Variants in ABCA10 observed in about 807,000 individuals in gnomAD.
ABCA10 encodes the protein ATP binding cassette subfamily A member 10.
Under a neutral mutation model 187.5 loss-of-function variants are expected in ABCA10, and 169 were observed. The observed-to-expected ratio is 0.90, with a 90% CI of 0.80 to 1.02. ABCA10 has a LOEUF of 1.02. ABCA10 is among the 50% of genes least tolerant of loss of function. ABCA10 has a pLI of 0.00. For missense variants in ABCA10, 1,727 were observed against 1,812.4 expected, an observed-to-expected ratio of 0.95 and a Z score of 0.86; for synonymous variants, 574 against 601.8, an observed-to-expected ratio of 0.95 and a Z score of 0.68.
intron 9 of ABCA10, among the ~76,000 whole-genome samples, chr17:69,213,137 T>G (rs192844771): frequency 3.9e-5 from 6 of 152,272 alleles, no homozygotes; most frequent in Admixed American, 3.9e-4. Context: ...TATGACTTTG[T>G]GTAATGGCTT....
intron 20 of ABCA10, among the ~76,000 whole-genome samples, chr17:69,184,355 C>T (rs372540371): frequency 2.4e-4 from 37 of 152,178 alleles, no homozygotes; most frequent in African/African-American, 8.7e-4. Context: ...GGCAAGCTTG[C>T]ATCCTCCCTA....
chr17:69,202,999 G>C (rs1417958065), intron 9 of ABCA10, among the ~76,000 whole-genome samples: 1 of 152,112 alleles, frequency 6.6e-6, no homozygotes, highest in Non-Finnish European at 1.5e-5. Flanking sequence ...TAATGTAGGG[G>C]GATGGAGCTG....
Position 69,164,055 on chromosome 17 carries a change from G to T in ABCA10, c.3363+19C>A. On this transcript the variant is annotated intron_variant, in intron 27 of 38. Coordinates refer to ENST00000690296, the MANE Select transcript of ABCA10 (RefSeq NM_001377321.1). ...GAATCTTATGCAATATATATATTTA[G>T]GTAGAAAATGTTCCTTACTATTAAG... 1 of 1,508,426 alleles carries T rather than the reference G, an allele frequency of 6.6e-7. No individual in the cohort carries two copies. Among genetic ancestry groups the T allele is most frequent in the Non-Finnish European group, 8.9e-7 (1 of 1,128,204 alleles). 93.4% of individuals were successfully genotyped at this position (1,508,426 alleles called of 1,614,324 possible).
intron 34 of ABCA10, among the ~76,000 whole-genome samples, chr17:69,152,904 A>G (rs1380689299): frequency 2.0e-5 from 3 of 152,182 alleles, no homozygotes; most frequent in African/African-American, 7.2e-5. Flanking sequence ...TGATAGTACC[A>G]TATTAATAGG....
In ABCA10 at chr17:69,170,437, CAAAAAAAAA is replaced by C. The variant is rs71144658; in HGVS notation, c.3162+3835_3162+3843del. Among the ~76,000 whole-genome samples the C allele has an allele frequency of 5.0e-3, 550 of 109,706 alleles. 4 individuals are homozygous for C. Among genetic ancestry groups the C allele is most frequent in the African/African-American group, 0.018 (530 of 29,262 alleles). 72.0% of individuals were successfully genotyped at this position (109,706 alleles called of 152,430 possible). ...ACCACATCTATATTGTTTTACTCATCAAAAAAAAAAAAAAAAAAAAGAAGTCTTCCATTA... is the reference window on the plus strand; with the variant it reads ...ACCACATCTATATTGTTTTACTCATCAAAAAAAAAAAGAAGTCTTCCATTA... On this transcript the variant is annotated intron_variant, in intron 25 of 38. Transcript: ENST00000690296.
rs4968851 is a variant in ABCA10 at position 69,182,813 on chromosome 17, C to T, written c.2498-5G>A. 0.71 allele frequency: 1,124,162 copies of T among 1,573,542 alleles called. 403,143 individuals are homozygous for T. Among genetic ancestry groups the T allele is most frequent in the Admixed American group, 0.77 (41,577 of 54,224 alleles). On this transcript the variant is annotated splice_region_variant and splice_polypyrimidine_tract_variant and intron_variant, in intron 20 of 38. Coordinates refer to ENST00000690296, the MANE Select transcript of ABCA10 (RefSeq NM_001377321.1). ...CGAGGTCTTCAATATTTGATCCTAACATAGTGGAAGGAAGGCAACAAGAAA... is the reference window on the plus strand; with the variant it reads ...CGAGGTCTTCAATATTTGATCCTAATATAGTGGAAGGAAGGCAACAAGAAA...
intron 25 of ABCA10, among the ~76,000 whole-genome samples, chr17:69,171,576 C>T (rs1321976687): frequency 6.6e-6 from 1 of 152,050 alleles, no homozygotes; most frequent in East Asian, 1.9e-4. Flanking sequence ...TGAGAATTTT[C>T]CTAAACTGAA....
Position 69,191,209 on chromosome 17 carries a change from T to C in ABCA10, c.1978A>G (p.Ser660Gly). 2 of 1,599,346 alleles carry C rather than the reference T, an allele frequency of 1.3e-6. No individual in the cohort carries two copies. The highest frequency in any genetic ancestry group is 1.7e-6 in the Non-Finnish European group (2 of 1,172,026). ...TTESEEKLVY[S>G]LPLEKTNKFP... Reference sequence around the variant, plus strand: ...TTGTTCGTTTTTTCCAAAGGCAAACTATATACAAGTTTTTCTTCACTTTCT... The same window carrying C: ...TTGTTCGTTTTTTCCAAAGGCAAACCATATACAAGTTTTTCTTCACTTTCT... Residue 660 changes from serine to glycine, a missense_variant, in exon 17 of 39, where the codon AGT (serine) becomes GGT (glycine). Ser to Gly is a moderately conservative substitution (Grantham distance 56). Transcript: ENST00000690296.
chr17:69,173,029 C>A (rs368264177), intron 25 of ABCA10, among the ~76,000 whole-genome samples: 1 of 152,040 alleles, frequency 6.6e-6, no homozygotes, highest in East Asian at 1.9e-4. Context: ...TATAATCATT[C>A]CAGACTTCAA....
intron 19 of ABCA10, among the ~76,000 whole-genome samples, chr17:69,187,018 T>C (rs2074426411): frequency 6.6e-6 from 1 of 151,974 alleles, no homozygotes; most frequent in Admixed American, 6.6e-5. Context: ...TTCACTACAG[T>C]AGTAAAACTG....
At chr17:69,239,798 G>A (rs964810623) in intron 1 of ABCA10, among the ~76,000 whole-genome samples, 2 of 152,146 alleles carry the variant, frequency 1.3e-5, no homozygotes, top group African/African-American at 4.8e-5. Context: ...GCCACCTCTA[G>A]CTGTATAGTG....
At position 69,196,896 on chromosome 17, in the gene ABCA10, C is replaced by CCAGGCACTCGG. The variant is rs757961328; in HGVS notation, c.1234+157_1234+167dup. On this transcript the variant is annotated intron_variant, in intron 11 of 38. Transcript: ENST00000690296. ...GGCGTGGCAGCACGCGCCTGCAATC[C>CCAGGCACTCGG]CAGGCACTCGGCAGGCACTCGGCAG... Among the ~76,000 whole-genome samples, 6 of 152,012 alleles carry CCAGGCACTCGG rather than the reference C, an allele frequency of 3.9e-5. No individual in the cohort carries two copies. The East Asian group carries it at 5.8e-4, about 15-fold the overall frequency.
Position 69,166,339 on chromosome 17 carries a change from C to CAA in ABCA10, c.3163-1258_3163-1257dup, listed in dbSNP as rs35351175. On this transcript the variant is annotated intron_variant, in intron 25 of 38. Coordinates refer to ENST00000690296, the MANE Select transcript of ABCA10 (RefSeq NM_001377321.1). Reference sequence around the variant, plus strand: ...GAAGCAGAGAAAAGTCATGAGATTACAAAAAAAAAAAAGGTTGAATTGCTT... The same window carrying CAA: ...GAAGCAGAGAAAAGTCATGAGATTACAAAAAAAAAAAAAAGGTTGAATTGCTT... Among the ~76,000 whole-genome samples, 619 of 144,732 alleles carry CAA rather than the reference C, an allele frequency of 4.3e-3. 3 individuals carry two copies. The highest frequency in any genetic ancestry group is 6.4e-3 in the African/African-American group (250 of 38,804). The allele number at this position is 144,732 out of a possible 152,430, so 94.9% of individuals were successfully genotyped here.
At chr17:69,241,866 TA>T (rs2074904969) in intron 1 of ABCA10, among the ~76,000 whole-genome samples, 1 of 152,312 alleles carries the variant, frequency 6.6e-6, no homozygotes, top group South Asian at 2.1e-4. Flanking sequence ...TGACATACAA[TA>T]AAATATTTGT....
At chr17:69,220,660 A>C (rs2074741221) in intron 5 of ABCA10, among the ~76,000 whole-genome samples, 1 of 152,198 alleles carries the variant, frequency 6.6e-6, no homozygotes, top group South Asian at 2.1e-4. Flanking sequence ...CTAAGTTTGA[A>C]TTGCTTGAGA....
At chr17:69,182,583 C>A in intron 21 of ABCA10, 92 bp downstream of exon 21, 1 of 1,359,350 alleles carries the variant, frequency 7.4e-7, no homozygotes, top group Non-Finnish European at 9.6e-7. Context: ...ATTTAGAAAA[C>A]ATACTTAAGT....
In ABCA10 at chr17:69,186,158, C is replaced by T. The variant is rs541955946; in HGVS notation, c.2331-515G>A. Among the ~76,000 whole-genome samples the T allele has an allele frequency of 5.3e-5, 8 of 152,240 alleles. No individual in the cohort carries two copies. In the East Asian group the frequency reaches 1.5e-3, roughly 29 times the overall value. On this transcript the variant is annotated intron_variant, in intron 19 of 38. Transcript: ENST00000690296. ...GAAGTCATCCCACCAACTCAAATTG[C>T]AAGTGAAATGCTTCCAAGCAATCTT...
intron 29 of ABCA10, 140 bp from the exon 30 acceptor site, chr17:69,155,276 A>C: frequency 1.7e-6 from 1 of 604,728 alleles, no homozygotes; most frequent in Non-Finnish European, 2.9e-6. Context: ...TTTTTCAAAT[A>C]AAATACCCAA....
chr17:69,153,757 C>A, intron 32 of ABCA10, 74 bp downstream of exon 32: 1 of 1,508,408 alleles, frequency 6.6e-7, no homozygotes, highest in East Asian at 2.3e-5. Flanking sequence ...TTATAATTTC[C>A]TTTTAATATA....
Sources: allele counts gnomAD v4.1 joint callset (sites outside exome capture counted in the v4.1 genomes callset), GRCh38; gene constraint gnomAD v4.1.1; transcripts MANE v1.5; gene names NCBI Gene and HGNC (gene_info 2026-07-23, HGNC 2026-07-21).